Variants in TOX2 observed in about 807,000 individuals in gnomAD.
The protein encoded by TOX2 is granulosa cell HMG box 1.
Under a neutral mutation model 47.4 loss-of-function variants are expected in TOX2, and 15 were observed. That is an observed-to-expected ratio of 0.32 (90% CI 0.21 to 0.49). The LOEUF (loss-of-function observed/expected upper bound fraction) is 0.49. Among genes scored for constraint, TOX2 ranks in the 20% least tolerant of loss-of-function variants. The pLI is 0.99. For missense variants in TOX2, 622 were observed against 673.1 expected (o/e 0.92, Z 0.84); for synonymous variants, 290 against 296.6 (o/e 0.98, Z 0.23).
At chr20:44,059,056 C>G (rs1235124500) in intron 5 of TOX2, among the ~76,000 whole-genome samples, 1 of 152,162 alleles carries the variant, frequency 6.6e-6, no homozygotes, top group Non-Finnish European at 1.5e-5. Flanking sequence ...AAAAAGAATT[C>G]AGAAGGTTGA....
intron 5 of TOX2, among the ~76,000 whole-genome samples, chr20:44,062,024 G>A (rs1297549375): frequency 1.3e-5 from 2 of 151,738 alleles, no homozygotes; most frequent in Admixed American, 1.3e-4. Context: ...ACATTACACT[G>A]AATGGGGAAA....
rs868242762 is a variant in TOX2, at chr20:44,066,017, C to T, written c.1266C>T (p.Ser422=). 9.3e-6 allele frequency: 15 copies of T among 1,610,752 alleles called. No individual in the cohort carries two copies. Among genetic ancestry groups the T allele is most frequent in the Admixed American group, 3.3e-5 (2 of 59,844 alleles). ...GCGCCCTCCTCAGTCCACCTGTTAG[C>T]ATGTCCCCAGCCCCCCAGCCCCCTG... ...AQGALLSPPV[S]MSPAPQPPVL... Residue 422 remains serine (S), a synonymous_variant, in exon 7 of 9, where the codon AGC becomes AGT. Transcript: ENST00000341197.
chr20:44,048,902 C>T (rs577906294), intron 3 of TOX2, among the ~76,000 whole-genome samples: 2 of 152,270 alleles, frequency 1.3e-5, no homozygotes, highest in East Asian at 1.9e-4. Flanking sequence ...TTTGGCGGGC[C>T]GAGGTGGGCA....
chr20:43,939,594 T>A (rs1371304732), intron 1 of TOX2, among the ~76,000 whole-genome samples: 1 of 152,114 alleles, frequency 6.6e-6, no homozygotes, highest in Admixed American at 6.5e-5. Flanking sequence ...GTCCCACAAA[T>A]GAATATGTGC....
rs892740604 is a variant in TOX2 at position 44,044,917 on chromosome 20, G to A, written c.412-6389G>A. On this transcript the variant is annotated intron_variant, in intron 3 of 8. Coordinates refer to ENST00000341197, the MANE Select transcript of TOX2 (RefSeq NM_001098797.2). The stretch of plus-strand genomic sequence containing the variant: ...CAAAATGTAGTCTATACATACAAGG[G>A]TGTATTGCTCAGCCTTAAAAAGGGA... 2.0e-5 allele frequency among the ~76,000 whole-genome samples: 3 copies of A among 152,306 alleles called. 1 individual carries two copies. In the South Asian group the frequency reaches 6.2e-4, roughly 32 times the overall value.
intron 5 of TOX2, among the ~76,000 whole-genome samples, chr20:44,060,083 C>T (rs905177734): frequency 4.6e-5 from 7 of 152,024 alleles, no homozygotes; most frequent in Non-Finnish European, 7.4e-5. Flanking sequence ...CAAATGGATA[C>T]CAAAAGTGAG....
chr20:43,987,677 G>A (rs925131386), intron 2 of TOX2, among the ~76,000 whole-genome samples: 3 of 152,144 alleles, frequency 2.0e-5, no homozygotes, highest in Non-Finnish European at 4.4e-5. Context: ...TTCCCACTGA[G>A]AGCATGGATG....
At chr20:44,005,475 T>A (rs988621553) in intron 2 of TOX2, among the ~76,000 whole-genome samples, 1 of 152,182 alleles carries the variant, frequency 6.6e-6, no homozygotes, top group African/African-American at 2.4e-5. Context: ...AAAGACAGTA[T>A]GAGACAGGAA....
chr20:43,999,747 G>A (rs956943099), intron 2 of TOX2, among the ~76,000 whole-genome samples: 7 of 152,192 alleles, frequency 4.6e-5, no homozygotes, highest in Admixed American at 3.9e-4. Flanking sequence ...ATATGGAATT[G>A]CCAGGGGGCC....
chr20:43,993,748 C>T (rs2070412440), intron 2 of TOX2, among the ~76,000 whole-genome samples: 1 of 152,194 alleles, frequency 6.6e-6, no homozygotes, highest in Admixed American at 6.5e-5. Context: ...GACCATATGA[C>T]TCACAAAGCC....
At position 44,054,412 on chromosome 20, in the gene TOX2, C is replaced by G. The variant is rs773572720; in HGVS notation, c.765C>G (p.Leu255=). ...EPQKPVSAYA[L]FFRDTQAAIK... is the part of the protein sequence containing the mutation. ...AGAAGCCTGTGTCGGCCTACGCACT[C>G]TTCTTCAGAGACACTCAGGCCGCCA... is the stretch of plus-strand genomic sequence containing the variant. Residue 255 remains leucine (L), a synonymous_variant, in exon 5 of 9, where the codon CTC becomes CTG. Coordinates refer to ENST00000341197, the MANE Select transcript of TOX2 (RefSeq NM_001098797.2). The G allele has an allele frequency of 8.7e-6, 14 of 1,613,000 alleles. No homozygotes were observed. Among genetic ancestry groups the G allele is most frequent in the Admixed American group, 6.7e-5 (4 of 59,808 alleles).
rs570443755 is a variant in TOX2, at chr20:43,994,541, G to A, written c.166-12006G>A. 3.3e-5 allele frequency among the ~76,000 whole-genome samples: 5 copies of A among 151,882 alleles called. No homozygotes were observed. The South Asian group carries it at 1.0e-3, about 32-fold the overall frequency. ...ATGGGGCCAGTGCCTGCTTCAGGCT[G>A]CCTCTTCTCATTCAGATGCTGTTGC... On this transcript the variant is annotated intron_variant, in intron 2 of 8. Coordinates refer to ENST00000341197, the MANE Select transcript of TOX2 (RefSeq NM_001098797.2).
Position 43,955,700 on chromosome 20 carries a change from A to C in TOX2, c.100-17667A>C, listed in dbSNP as rs2069656718. On this transcript the variant is annotated intron_variant, in intron 1 of 8. Transcript: ENST00000341197. ...TTCTGCATAACATGCTGGGGCTGTCATGGTTTTATTCTGGCTCCAAACCTG... is the reference window on the plus strand; with the variant it reads ...TTCTGCATAACATGCTGGGGCTGTCCTGGTTTTATTCTGGCTCCAAACCTG... Among the ~76,000 whole-genome samples the C allele has an allele frequency of 1.3e-5, 2 of 152,122 alleles. 1 individual carries two copies. The highest frequency in any genetic ancestry group is 4.1e-4 in the South Asian group (2 of 4,830).
chr20:43,981,220 A>G (rs1490733880), intron 2 of TOX2, among the ~76,000 whole-genome samples: 2 of 152,224 alleles, frequency 1.3e-5, no homozygotes, highest in South Asian at 2.1e-4. Context: ...TTCTGTGGGC[A>G]GGGTAAATGG....
chr20:44,068,731 C>T lies in TOX2; in HGVS notation c.*45C>T. ...CTGAGGCTCGCTGGAAGGCACTGCT[C>T]AGAGCCTGAAGGGCTGACAGCAGAA... On this transcript the variant is annotated 3_prime_UTR_variant, in exon 9 of 9. Coordinates refer to ENST00000341197, the MANE Select transcript of TOX2 (RefSeq NM_001098797.2). 6.2e-7 allele frequency: 1 copy of T among 1,613,118 alleles called. No homozygotes were observed. Among genetic ancestry groups the T allele is most frequent in the South Asian group, 1.1e-5 (1 of 90,956 alleles).
chr20:44,015,378 A>T lies in TOX2; in HGVS notation c.411+8586A>T, dbSNP rs2070862363. On this transcript the variant is annotated intron_variant, in intron 3 of 8. Transcript: ENST00000341197. ...GGGACCGCTCCGTTTTCTTACCCTGAACTCCTTTTTCTCATAAATGAACCA... is the reference window on the plus strand; with the variant it reads ...GGGACCGCTCCGTTTTCTTACCCTGTACTCCTTTTTCTCATAAATGAACCA... Among the ~76,000 whole-genome samples the T allele has an allele frequency of 2.0e-5, 3 of 152,324 alleles. No individual in the cohort carries two copies. The South Asian group carries it at 6.2e-4, about 32-fold the overall frequency.
chr20:44,066,734 T>TC lies in TOX2; in HGVS notation c.1364dup (p.His456AlafsTer4). 6.2e-7 allele frequency: 1 copy of TC among 1,614,094 alleles called. No homozygotes were observed. The highest frequency in any genetic ancestry group is 8.5e-7 in the Non-Finnish European group (1 of 1,180,006). On this transcript the variant is annotated frameshift_variant, in exon 8 of 9. Transcript: ENST00000341197. LOFTEE classifies it high-confidence loss of function. ...CTCCTCCTTCCCACTCTGTAGGACT[T>TC]CCCGCACATCTCTGAGTTCCCCAGC...
At chr20:43,932,407 T>C (rs1019840110) in intron 1 of TOX2, among the ~76,000 whole-genome samples, 1 of 152,240 alleles carries the variant, frequency 6.6e-6, no homozygotes, top group Non-Finnish European at 1.5e-5. Context: ...TGTTTGCCAT[T>C]GTGGTACGGT....
At chr20:43,971,263 T>C (rs1004632586) in intron 1 of TOX2, among the ~76,000 whole-genome samples, 3 of 152,202 alleles carry the variant, frequency 2.0e-5, no homozygotes, top group Non-Finnish European at 4.4e-5. Flanking sequence ...GGAGCCTCCA[T>C]TTTAGTAAGA....
Sources: gnomAD v4.1 joint callset for allele counts (sites outside exome capture counted in the v4.1 genomes callset) on GRCh38, gnomAD v4.1.1 for gene constraint, MANE v1.5 for transcripts, NCBI Gene and HGNC (gene_info 2026-07-23, HGNC 2026-07-21) for gene names.